The following ZNF343 variants were observed in gnomAD, a reference collection of about 807,000 sequenced individuals.
The protein encoded by ZNF343 is zinc finger protein 343.
Under a neutral mutation model 13.8 loss-of-function variants are expected in ZNF343, and 11 were observed. The ratio of observed to expected loss-of-function variants is 0.80; its 90% CI spans 0.50 to 1.32. The LOEUF (loss-of-function observed/expected upper bound fraction) is 1.32. Ranked by LOEUF, ZNF343 falls within the 40% of genes most tolerant of loss-of-function variation. The pLI, the probability that ZNF343 is intolerant of heterozygous loss-of-function variation, is 0.00. For synonymous variants in ZNF343, 248 were observed against 260.0 expected, an observed-to-expected ratio of 0.95 and a Z score of 0.44; for missense variants, 658 against 714.2, an observed-to-expected ratio of 0.92 and a Z score of 0.90.
intron 2 of ZNF343, 125 bp from the exon 3 acceptor site, chr20:2,494,169 T>C (rs2085419651): frequency 8.6e-6 from 3 of 349,236 alleles, no homozygotes. Context: ...AGTCTCCATC[T>C]ACATGGGATC....
intron 1 of ZNF343, among the ~76,000 whole-genome samples, chr20:2,519,105 T>C (rs1420260340): frequency 6.6e-6 from 1 of 152,178 alleles, no homozygotes; most frequent in Non-Finnish European, 1.5e-5. Context: ...CAGTCTTGGG[T>C]AGTTCTTTAT....
chr20:2,523,984 A>G (rs2085794097), intron 1 of ZNF343, among the ~76,000 whole-genome samples: 1 of 150,074 alleles, frequency 6.7e-6, no homozygotes. Flanking sequence ...CGTCTCAAAA[A>G]AAAAAAAAAA....
At chr20:2,495,918 G>C (rs1443999266) in intron 2 of ZNF343, among the ~76,000 whole-genome samples, 1 of 152,130 alleles carries the variant, frequency 6.6e-6, no homozygotes, top group Non-Finnish European at 1.5e-5. Flanking sequence ...CTGACTTTGT[G>C]ATCCGTCTGC....
Position 2,483,450 on chromosome 20 carries a change from T to C in ZNF343, c.1511A>G (p.Gln504Arg), listed in dbSNP as rs1292397775. The change falls in exon 6 of 6, where the codon CAG (glutamine) becomes CGG (arginine). Residue 504 changes from glutamine to arginine, a missense_variant. Coordinates refer to ENST00000278772, the MANE Select transcript of ZNF343 (RefSeq NM_024325.6). ...CTGGTGTCTGATGAGATTTGACTTC[T>C]GGCTAAAACCTCGCCTACACTCCCT... Reference protein sequence around the residue: ...VCRECRRGFSQKSNLIRHQRT... With the variant: ...VCRECRRGFSRKSNLIRHQRT... 4 of 1,609,520 alleles carry C rather than the reference T, an allele frequency of 2.5e-6. No individual in the cohort carries two copies. The highest frequency in any genetic ancestry group is 1.7e-5 in the Admixed American group (1 of 59,300).
upstream of ZNF343, among the ~76,000 whole-genome samples, chr20:2,510,588 A>G (rs1030624188): frequency 3.3e-5 from 5 of 152,074 alleles, no homozygotes; most frequent in Admixed American, 6.5e-5. Flanking sequence ...ACAGACAAAC[A>G]TTTCTTGATA....
chr20:2,493,009 A>G (rs1317094372), intron 4 of ZNF343, 184 bp from the exon 5 acceptor site: 2 of 720,044 alleles, frequency 2.8e-6, no homozygotes, highest in African/African-American at 3.6e-5. Flanking sequence ...AAAACCTGTG[A>G]GGAGCATAAC....
intron 1 of ZNF343, among the ~76,000 whole-genome samples, chr20:2,515,419 A>G (rs1191175955): frequency 6.6e-6 from 1 of 152,346 alleles, no homozygotes; most frequent in Middle Eastern, 3.4e-3. Flanking sequence ...AGGAATTACA[A>G]TGACTCAGCA....
At position 2,483,884 on chromosome 20, in the gene ZNF343, C is replaced by T; in HGVS notation, c.1077G>A (p.Gly359=). Residue 359 remains glycine (G), a synonymous_variant, in exon 6 of 6, where the codon GGG becomes GGA. Transcript: ENST00000278772. ...AGGATGACTTCTCGCTAAAGCCTCGCCCACACTCGCTGCAAACATAGGGCT... is the reference window on the plus strand; with the variant it reads ...AGGATGACTTCTCGCTAAAGCCTCGTCCACACTCGCTGCAAACATAGGGCT... ...EEKPYVCSEC[G]RGFSEKSSFI... 6.2e-7 allele frequency: 1 copy of T among 1,614,142 alleles called. No homozygotes were observed. Among genetic ancestry groups the T allele is most frequent in the Non-Finnish European group, 8.5e-7 (1 of 1,180,012 alleles).
chr20:2,481,965 TG>T lies in ZNF343; in HGVS notation c.*1195del, dbSNP rs1227951564. On this transcript the variant is annotated 3_prime_UTR_variant, in exon 6 of 6. Transcript: ENST00000278772. ...ACATTTCCTGAAAATCCCTCAGAGG[TG>T]AGTGAGGTAGTGACTTGGGGTAGCA... 170 of 152,090 alleles carry T rather than the reference TG, an allele frequency of 1.1e-3. No individual in the cohort carries two copies. Among genetic ancestry groups the T allele is most frequent in the African/African-American group, 4.0e-3 (166 of 41,484 alleles). 9.4% of individuals were successfully genotyped at this position (152,090 alleles called of 1,614,324 possible).
chr20:2,490,274 AAC>A (rs894245448), intron 5 of ZNF343, among the ~76,000 whole-genome samples: 1 of 152,180 alleles, frequency 6.6e-6, no homozygotes, highest in African/African-American at 2.4e-5. Flanking sequence ...TGTGAATACA[AAC>A]ACAGAAAAGG....
At position 2,483,925 on chromosome 20, in the gene ZNF343, T is replaced by G; in HGVS notation, c.1036A>C (p.Thr346Pro). ...SKSILNRHQW[T>P]HSEEKPYVCS... The stretch of plus-strand genomic sequence containing the variant: ...ACATAGGGCTTCTCCTCTGAGTGAG[T>G]CCACTGATGTCTATTGAGGATGGAC... Residue 346 changes from threonine (T) to proline (P), a missense_variant, in exon 6 of 6, where the codon ACT becomes CCT. Physicochemically the swap from Thr to Pro is conservative, Grantham distance 38 (BLOSUM62 -1). Coordinates refer to ENST00000278772, the MANE Select transcript of ZNF343 (RefSeq NM_024325.6). The G allele has an allele frequency of 6.2e-7, 1 of 1,614,184 alleles. No individual in the cohort carries two copies. The highest frequency in any genetic ancestry group is 8.5e-7 in the Non-Finnish European group (1 of 1,180,034).
intron 5 of ZNF343, among the ~76,000 whole-genome samples, chr20:2,485,463 G>C (rs1238913741): frequency 1.3e-5 from 2 of 152,210 alleles, no homozygotes; most frequent in Admixed American, 1.3e-4. Flanking sequence ...ACCCTACTGG[G>C]CCTAACTGAA....
upstream of ZNF343, among the ~76,000 whole-genome samples, chr20:2,511,560 T>A (rs1399948203): frequency 6.6e-6 from 1 of 152,198 alleles, no homozygotes. Flanking sequence ...GTGAATAAAA[T>A]CTATGGAACA....
At chr20:2,507,119 C>T (rs2085672691) in intron 1 of ZNF343, among the ~76,000 whole-genome samples, 1 of 151,860 alleles carries the variant, frequency 6.6e-6, no homozygotes. Context: ...ACAAAATTAG[C>T]TGGGCATGGT....
intron 4 of ZNF343, among the ~76,000 whole-genome samples, chr20:2,493,182 A>C (rs1419345132): frequency 6.6e-6 from 1 of 152,224 alleles, no homozygotes; most frequent in Non-Finnish European, 1.5e-5. Context: ...TGCAGAAGGA[A>C]CAAAAGCATC....
chr20:2,513,377 C>T (rs2085746447), upstream of ZNF343, among the ~76,000 whole-genome samples: 1 of 152,184 alleles, frequency 6.6e-6, no homozygotes, highest in Non-Finnish European at 1.5e-5. Context: ...TGCTTACTGT[C>T]ACTAATAATT....
In ZNF343 at chr20:2,499,140, T is replaced by G. The variant is rs551414246; in HGVS notation, c.-150+1516A>C. Among the ~76,000 whole-genome samples the G allele has an allele frequency of 7.5e-3, 1,115 of 149,658 alleles. 13 individuals carry two copies. Among genetic ancestry groups the G allele is most frequent in the African/African-American group, 0.026 (1,060 of 40,968 alleles). On this transcript the variant is annotated intron_variant, in intron 2 of 5. Coordinates refer to ENST00000278772, the MANE Select transcript of ZNF343 (RefSeq NM_024325.6). ...GCATGTGGCCTCACACTCTAATTAT[T>G]GAGTTTGGACAGAGTTGGAGGTAGG...
intron 2 of ZNF343, among the ~76,000 whole-genome samples, chr20:2,496,871 G>A (rs559940333): frequency 3.7e-4 from 56 of 152,206 alleles, no homozygotes; most frequent in African/African-American, 1.1e-3. Context: ...ACCTGAGGTC[G>A]GGAGTTTGAG....
In ZNF343 at chr20:2,492,280, C is replaced by T. The variant is rs115252697; in HGVS notation, c.304+419G>A. Among the ~76,000 whole-genome samples the T allele has an allele frequency of 7.4e-3, 1,128 of 152,178 alleles. 9 individuals carry two copies. The highest frequency in any genetic ancestry group is 0.026 in the African/African-American group (1,087 of 41,506). On this transcript the variant is annotated intron_variant, in intron 5 of 5. Coordinates refer to ENST00000278772, the MANE Select transcript of ZNF343 (RefSeq NM_024325.6). ...AGGTACATCCCTTCATTAAGGTCTT[C>T]GTGTCAATAATTCCCTTCACCTGAA...
Sources: gnomAD v4.1 joint callset for allele counts (sites outside exome capture counted in the v4.1 genomes callset) on GRCh38, gnomAD v4.1.1 for gene constraint, MANE v1.5 for transcripts, NCBI Gene and HGNC (gene_info 2026-07-23, HGNC 2026-07-21) for gene names.